Variants in CEACAM8 observed in about 807,000 individuals in gnomAD.
CEACAM8 encodes the protein CEA cell adhesion molecule 8.
In CEACAM8, 31 loss-of-function variants were observed where a neutral mutation model predicts 33.4. The observed-to-expected ratio is 0.93, with a 90% CI of 0.70 to 1.25. The LOEUF is 1.25. CEACAM8 is among the 50% of genes most tolerant of loss of function. The pLI is 0.00. For missense variants in CEACAM8, 388 were observed against 434.6 expected (o/e 0.89, Z 0.95); for synonymous variants, 138 against 164.5 (o/e 0.84, Z 1.23).
At chr19:42,587,066 T>TA (rs1020326160) in intron 4 of CEACAM8, among the ~76,000 whole-genome samples, 13 of 151,450 alleles carry the variant, frequency 8.6e-5, no homozygotes, top group South Asian at 2.1e-4. Flanking sequence ...TGGCTTTGAT[T>TA]AAAAAAAAAC....
intron 1 of CEACAM8, 91 bp from the exon 2 acceptor site, chr19:42,593,991 ATG>A (rs1483192316): frequency 8.0e-7 from 1 of 1,248,686 alleles, no homozygotes; most frequent in African/African-American, 1.5e-5. Context: ...GTGTGTTTTT[ATG>A]TGTGTGTATG....
rs142883082 is a variant in CEACAM8 at position 42,589,498 on chromosome 19, G to T, written c.662C>A (p.Ala221Glu). The T allele has an allele frequency of 4.3e-6, 7 of 1,614,088 alleles. No homozygotes were observed. In the Admixed American group the frequency reaches 5.0e-5, roughly 12 times the overall value. Residue 221 changes from alanine (A) to glutamate (E), a missense_variant, in exon 3 of 6, where the codon GCG becomes GAG. By Grantham distance (107) the Ala-to-Glu change is moderately radical (BLOSUM62 -1). Coordinates refer to ENST00000244336, the MANE Select transcript of CEACAM8 (RefSeq NM_001816.4). The stretch of plus-strand genomic sequence containing the variant: ...GACTGGGTCACTGAAGTTTGCACTC[G>T]CTGGGTTCTGTATTTCACATTCATA... Reference protein sequence around the residue: ...GPYECEIQNPASANFSDPVTL... With the variant: ...GPYECEIQNPESANFSDPVTL...
At chr19:42,582,471 C>T (rs1005457406) in intron 5 of CEACAM8, among the ~76,000 whole-genome samples, 4 of 152,144 alleles carry the variant, frequency 2.6e-5, no homozygotes, top group Non-Finnish European at 5.9e-5. Context: ...GGTTCTCAAC[C>T]ACACGTAGGC....
At chr19:42,588,222 A>G (rs1446207045) in intron 4 of CEACAM8, among the ~76,000 whole-genome samples, 1 of 152,124 alleles carries the variant, frequency 6.6e-6, no homozygotes, top group African/African-American at 2.4e-5. Context: ...GGGATAGGCC[A>G]CCTGAGCACC....
At chr19:42,594,497 G>A (rs1462220264) in intron 1 of CEACAM8, among the ~76,000 whole-genome samples, 1 of 152,188 alleles carries the variant, frequency 6.6e-6, no homozygotes, top group Non-Finnish European at 1.5e-5. Context: ...GTGTCATCTG[G>A]TATGGTTATT....
intron 4 of CEACAM8, among the ~76,000 whole-genome samples, chr19:42,588,075 C>G (rs2042366936): frequency 6.6e-6 from 1 of 152,202 alleles, no homozygotes; most frequent in South Asian, 2.1e-4. Flanking sequence ...GTTGTATCCA[C>G]AGCCTCATGC....
chr19:42,592,262 A>G (rs1411190116), intron 2 of CEACAM8, among the ~76,000 whole-genome samples: 1 of 152,086 alleles, frequency 6.6e-6, no homozygotes, highest in East Asian at 1.9e-4. Flanking sequence ...TGGTTCAGTG[A>G]CTGTGTCTTC....
At chr19:42,581,922 T>A (rs866992797) in intron 5 of CEACAM8, among the ~76,000 whole-genome samples, 839 of 44,876 alleles carry the variant, frequency 0.019, 1 homozygote, top group Non-Finnish European at 0.029. Flanking sequence ...AAAAAAAAAA[T>A]ATATATATAT....
At chr19:42,582,928 A>G (rs769506691) in intron 5 of CEACAM8, among the ~76,000 whole-genome samples, 1 of 152,212 alleles carries the variant, frequency 6.6e-6, no homozygotes, top group Non-Finnish European at 1.5e-5. Context: ...GGAATGGATA[A>G]AATGACACAA....
intron 5 of CEACAM8, among the ~76,000 whole-genome samples, chr19:42,582,568 G>A (rs2042275698): frequency 6.6e-6 from 1 of 152,088 alleles, no homozygotes; most frequent in Non-Finnish European, 1.5e-5. Context: ...AGGGTATGTG[G>A]GCAACTCCAC....
chr19:42,584,032 G>A lies in CEACAM8; in HGVS notation c.959-695C>T, dbSNP rs45606042. 6.7e-3 allele frequency among the ~76,000 whole-genome samples: 1,025 copies of A among 152,116 alleles called. 6 individuals carry two copies. Among genetic ancestry groups the A allele is most frequent in the Non-Finnish European group, 0.012 (808 of 67,996 alleles). On this transcript the variant is annotated intron_variant, in intron 4 of 5. Transcript: ENST00000244336. ...TGTTTTTCCTAGTAAATTATCTTGC[G>A]TGTCTAATCTCATCTTGGTTGCATC...
Position 42,593,612 on chromosome 19 carries a change from C to T in CEACAM8, c.353G>A (p.Gly118Glu), listed in dbSNP as rs1232907829. 6.2e-7 allele frequency: 1 copy of T among 1,612,606 alleles called. No homozygotes were observed. The change falls in exon 2 of 6, where the codon GGA (glycine) becomes GAA (glutamate). Residue 118 changes from glycine to glutamate, a missense_variant. Physicochemically the swap from Gly to Glu is moderately conservative, Grantham distance 98 (BLOSUM62 -2). Transcript: ENST00000244336. ...LMRNVTRNDT[G>E]SYTLQVIKLN... ...CTTTATGACTTGTAGGGTGTAGGAT[C>T]CTGTGTCATTTCTGGTGACGTTCCG...
chr19:42,594,635 G>A, intron 1 of CEACAM8, 130 bp downstream of exon 1: 2 of 690,118 alleles, frequency 2.9e-6, no homozygotes, highest in Non-Finnish European at 5.2e-6. Context: ...CCCCTCTCTT[G>A]TGTCCTCTCC....
In CEACAM8 at chr19:42,593,709, T is replaced by A. The variant is rs199668678; in HGVS notation, c.256A>T (p.Asn86Tyr). 1.4e-5 allele frequency: 23 copies of A among 1,614,168 alleles called. No individual in the cohort carries two copies. The East Asian group carries it at 5.1e-4, about 36-fold the overall frequency. ...GCAGGCCCTGGGGTAATCTGTTGAT[T>A]TGATATTACATATCCTATAATTCGA... is the stretch of plus-strand genomic sequence containing the variant. ...NRRIIGYVISNQQITPGPAYS... is the reference protein window; with the variant it reads ...NRRIIGYVISYQQITPGPAYS... The change falls in exon 2 of 6, where the codon AAT becomes TAT. Residue 86 changes from asparagine to tyrosine, a missense_variant. Coordinates refer to ENST00000244336, the MANE Select transcript of CEACAM8 (RefSeq NM_001816.4).
rs756513243 is a variant in CEACAM8 at position 42,583,340 on chromosome 19, G to A, written c.959-3C>T. ...AGAACTTCCTTGTACTAAAGCATCT[G>A]TCATGGAAAGAAAAGAAGAGAAGGA... is the stretch of plus-strand genomic sequence containing the variant. On this transcript the variant is annotated splice_polypyrimidine_tract_variant and splice_region_variant and intron_variant, in intron 4 of 5. Coordinates refer to ENST00000244336, the MANE Select transcript of CEACAM8 (RefSeq NM_001816.4). 12 of 1,597,612 alleles carry A rather than the reference G, an allele frequency of 7.5e-6. No homozygotes were observed. In the South Asian group the frequency reaches 1.3e-4, roughly 18 times the overall value.
chr19:42,586,181 G>A (rs45542933), intron 4 of CEACAM8, among the ~76,000 whole-genome samples: 1,534 of 152,198 alleles, frequency 0.01, 32 homozygotes, highest in African/African-American at 0.035. Flanking sequence ...GTGAGCTATG[G>A]ATTCAACACA....
chr19:42,588,873 G>T lies in CEACAM8; in HGVS notation c.869C>A (p.Thr290Asn). The T allele has an allele frequency of 6.2e-7, 1 of 1,614,196 alleles. No individual in the cohort carries two copies. Among genetic ancestry groups the T allele is most frequent in the Non-Finnish European group, 8.5e-7 (1 of 1,180,038 alleles). ...YTQKLFIPNI[T>N]TKNSGSYACH... ...GGCATAGGATCCGCTGTTCTTTGTA[G>T]TGATGTTGGGGATAAAGAGCTTTTG... The change falls in exon 4 of 6, where the codon ACT becomes AAT. Residue 290 changes from threonine to asparagine, a missense_variant. Thr to Asn is a moderately conservative substitution (Grantham distance 65, BLOSUM62 0). Coordinates refer to ENST00000244336, the MANE Select transcript of CEACAM8 (RefSeq NM_001816.4).
chr19:42,589,017 A>C lies in CEACAM8; in HGVS notation c.725T>G (p.Ile242Ser). The change falls in exon 4 of 6, where the codon ATT becomes AGT. Residue 242 changes from isoleucine (I) to serine (S), a missense_variant. Ile to Ser is a moderately radical substitution (Grantham distance 142). Transcript: ENST00000244336. Reference sequence around the variant, plus strand: ...ATGGTAATAGGTGTCTGAAGGGGAAATGGTGGGGGCATCTGGGCCATCTAG... The same window carrying C: ...ATGGTAATAGGTGTCTGAAGGGGAACTGGTGGGGGCATCTGGGCCATCTAG... ...NVLYGPDAPT[I>S]SPSDTYYHAG... is the part of the protein sequence containing the mutation. 6.2e-7 allele frequency: 1 copy of C among 1,613,756 alleles called. No individual in the cohort carries two copies. The highest frequency in any genetic ancestry group is 8.5e-7 in the Non-Finnish European group (1 of 1,179,678).
At chr19:42,587,374 A>T (rs551124752) in intron 4 of CEACAM8, among the ~76,000 whole-genome samples, 1 of 152,366 alleles carries the variant, frequency 6.6e-6, no homozygotes, top group Admixed American at 6.5e-5. Flanking sequence ...TGGATAGAAA[A>T]GTGAGGTGTA....
Sources: gnomAD v4.1 joint callset for allele counts (sites outside exome capture counted in the v4.1 genomes callset) on GRCh38, gnomAD v4.1.1 for gene constraint, MANE v1.5 for transcripts, NCBI Gene and HGNC (gene_info 2026-07-23, HGNC 2026-07-21) for gene names.